The following RGS7 variants were observed in gnomAD, a reference collection of about 807,000 sequenced individuals.
RGS7 encodes the protein regulator of G-protein signaling 7.
A neutral mutation model predicts 81.1 loss-of-function variants in RGS7; 27 were observed. The ratio of observed to expected loss-of-function variants is 0.33; its 90% CI spans 0.25 to 0.46. The LOEUF is 0.46. Among genes scored for constraint, RGS7 ranks in the 20% least tolerant of loss-of-function variants. The probability of loss-of-function intolerance (pLI) is 1.00; values close to 1 mark genes in which losing one functional copy is unlikely to be tolerated. For synonymous variants in RGS7, 208 were observed against 207.7 expected (o/e 1.00, Z -0.01); for missense variants, 396 against 607.4 (o/e 0.65, Z 3.66).
At chr1:241,340,019 G>A (rs962449131) in intron 2 of RGS7, among the ~76,000 whole-genome samples, 2 of 152,178 alleles carry the variant, frequency 1.3e-5, no homozygotes, top group African/African-American at 4.8e-5. Context: ...AACTTTCAGG[G>A]CAAGACCATC....
At chr1:240,843,602 A>G (rs766897525) in intron 9 of RGS7, among the ~76,000 whole-genome samples, 3 of 152,182 alleles carry the variant, frequency 2.0e-5, no homozygotes, top group East Asian at 1.9e-4. Context: ...CTCTTAATGA[A>G]ATGTAATTTG....
At chr1:241,355,862 G>T in intron 1 of RGS7, 36 bp from the exon 2 acceptor site, 1 of 1,084,866 alleles carries the variant, frequency 9.2e-7, no homozygotes, top group Non-Finnish European at 1.4e-6. Context: ...TGAGATCCCA[G>T]TGGGACTCCC....
intron 2 of RGS7, among the ~76,000 whole-genome samples, chr1:241,323,254 T>C (rs1573670779): frequency 6.6e-6 from 1 of 152,254 alleles, no homozygotes; most frequent in Admixed American, 6.5e-5. Context: ...TATCAAGTTC[T>C]AAATAATATG....
intron 2 of RGS7, among the ~76,000 whole-genome samples, chr1:241,129,705 C>T (rs1012509952): frequency 1.4e-4 from 21 of 152,070 alleles, no homozygotes; most frequent in Admixed American, 6.5e-4. Flanking sequence ...GTTTATTAAA[C>T]GAGATTTCTG....
intron 2 of RGS7, among the ~76,000 whole-genome samples, chr1:241,341,064 T>A (rs1218606749): frequency 6.6e-6 from 1 of 152,232 alleles, no homozygotes; most frequent in Non-Finnish European, 1.5e-5. Context: ...CCTATTTTTG[T>A]GTGATCCTGA....
intron 3 of RGS7, among the ~76,000 whole-genome samples, chr1:241,010,315 T>G (rs1014224512): frequency 3.9e-5 from 6 of 152,206 alleles, no homozygotes; most frequent in African/African-American, 1.4e-4. Context: ...TCTGGATGCT[T>G]GTGGTAGAGC....
intron 2 of RGS7, among the ~76,000 whole-genome samples, chr1:241,202,349 CAAGGGA>C (rs763519715): frequency 6.6e-6 from 1 of 152,168 alleles, no homozygotes; most frequent in East Asian, 1.9e-4. Flanking sequence ...CTGTGGGGGC[CAAGGGA>C]AAACTTCCCT....
chr1:241,317,802 G>C (rs1488922666), intron 2 of RGS7, among the ~76,000 whole-genome samples: 1 of 152,212 alleles, frequency 6.6e-6, no homozygotes, highest in African/African-American at 2.4e-5. Context: ...AGTTGCTGCT[G>C]TTGGATATAT....
intron 4 of RGS7, among the ~76,000 whole-genome samples, chr1:240,979,975 T>C (rs1684686709): frequency 6.6e-6 from 1 of 152,206 alleles, no homozygotes; most frequent in Non-Finnish European, 1.5e-5. Context: ...CCTAGAAAGA[T>C]ATATTTTATA....
chr1:241,317,352 A>C (rs1387750696), intron 2 of RGS7, among the ~76,000 whole-genome samples: 1 of 152,264 alleles, frequency 6.6e-6, no homozygotes, highest in Non-Finnish European at 1.5e-5. Context: ...CTGAGAATTT[A>C]GCAATTGGCT....
chr1:241,121,955 T>C (rs1487799761), intron 2 of RGS7, among the ~76,000 whole-genome samples: 1 of 152,110 alleles, frequency 6.6e-6, no homozygotes, highest in East Asian at 1.9e-4. Context: ...TCTCCCGTCT[T>C]AGCCTCCCAA....
intron 2 of RGS7, among the ~76,000 whole-genome samples, chr1:241,101,407 A>C (rs1181699056): frequency 1.3e-5 from 2 of 152,138 alleles, no homozygotes; most frequent in Non-Finnish European, 2.9e-5. Context: ...GAGGCAGGAG[A>C]ATCACCTGAA....
chr1:241,084,885 G>A (rs765771662), intron 3 of RGS7, among the ~76,000 whole-genome samples: 3 of 152,254 alleles, frequency 2.0e-5, no homozygotes, highest in Non-Finnish European at 4.4e-5. Context: ...AACAGTGCTT[G>A]ATGATCTGGA....
intron 6 of RGS7, among the ~76,000 whole-genome samples, chr1:240,927,637 T>C (rs924341689): frequency 2.0e-5 from 3 of 152,224 alleles, no homozygotes; most frequent in African/African-American, 7.2e-5. Flanking sequence ...CATCATTGCC[T>C]GCAGGTACAG....
At chr1:241,219,047 T>C (rs1290061932) in intron 2 of RGS7, among the ~76,000 whole-genome samples, 1 of 152,156 alleles carries the variant, frequency 6.6e-6, no homozygotes, top group Non-Finnish European at 1.5e-5. Flanking sequence ...GTTCACCCAC[T>C]GTCAGGAGCT....
chr1:240,999,626 C>T (rs571378395), intron 3 of RGS7, among the ~76,000 whole-genome samples: 1 of 152,054 alleles, frequency 6.6e-6, no homozygotes, highest in Non-Finnish European at 1.5e-5. Context: ...GTTAATACAG[C>T]GTCTCACTCT....
At chr1:240,913,580 T>G (rs1184334685) in intron 6 of RGS7, among the ~76,000 whole-genome samples, 1 of 152,220 alleles carries the variant, frequency 6.6e-6, no homozygotes, top group Non-Finnish European at 1.5e-5. Flanking sequence ...GTTTTGTTGT[T>G]GTTCGTTTTT....
intron 18 of RGS7, among the ~76,000 whole-genome samples, chr1:240,777,897 A>G (rs1683247402): frequency 7.6e-6 from 1 of 132,250 alleles, no homozygotes. Flanking sequence ...TCCTAATACC[A>G]TCACCTTCAT....
chr1:241,257,919 A>G (rs1345532245), intron 2 of RGS7, among the ~76,000 whole-genome samples: 1 of 152,194 alleles, frequency 6.6e-6, no homozygotes, highest in East Asian at 1.9e-4. Flanking sequence ...TAAAATCTAT[A>G]ACACAATGCA....
Sources: allele counts gnomAD v4.1 joint callset (sites outside exome capture counted in the v4.1 genomes callset), GRCh38; gene constraint gnomAD v4.1.1; transcripts MANE v1.5; gene names NCBI Gene and HGNC (gene_info 2026-07-23, HGNC 2026-07-21).